Variants in CDK11A observed in about 807,000 individuals in gnomAD.
The protein encoded by CDK11A is cyclin dependent kinase 11A, also known as cyclin-dependent kinase 11A.
Under a neutral mutation model 83.6 loss-of-function variants are expected in CDK11A, and 55 were observed. The observed-to-expected ratio is 0.66, with a 90% CI of 0.53 to 0.82. CDK11A has a LOEUF of 0.82. Among genes scored for constraint, CDK11A ranks in the 40% least tolerant of loss-of-function variants. The pLI is 0.00. For synonymous variants in CDK11A, 247 were observed against 302.7 expected (o/e 0.82, Z 1.91); for missense variants, 564 against 810.1 (o/e 0.70, Z 3.69).
rs141189749 is a variant in CDK11A at position 1,715,110 on chromosome 1, C to T, written c.488+1236G>A. Among the ~76,000 whole-genome samples, 1,135 of 133,660 alleles carry T rather than the reference C, an allele frequency of 8.5e-3. 30 individuals carry two copies. Among genetic ancestry groups the T allele is most frequent in the African/African-American group, 0.028 (1,076 of 37,874 alleles). The allele number at this position is 133,660 out of a possible 152,430, so 87.7% of individuals were successfully genotyped here. On this transcript the variant is annotated intron_variant, in intron 5 of 19. Coordinates refer to ENST00000404249, the MANE Select transcript of CDK11A (RefSeq NM_024011.4). ...GCAGTAAAGGGAGCAGCTCTCAGGC[C>T]AGAAGGTCAGATTCTTACTGCTTTT...
intron 5 of CDK11A, 125 bp downstream of exon 5, chr1:1,716,221 C>G: frequency 9.3e-7 from 1 of 1,079,872 alleles, no homozygotes; most frequent in Non-Finnish European, 1.4e-6. Flanking sequence ...GTTCACTGTG[C>G]TGTTTCCATG....
At position 1,708,202 on chromosome 1, in the gene CDK11A, T is replaced by C; in HGVS notation, c.1047A>G (p.Glu349=). 1 of 1,559,508 alleles carries C rather than the reference T, an allele frequency of 6.4e-7. No individual in the cohort carries two copies. Among genetic ancestry groups the C allele is most frequent in the Non-Finnish European group, 8.8e-7 (1 of 1,140,894 alleles). ...EEEMSEDEER[E]NENHLLVVPE... ...TACCAACCAAGAGGTGGTTTTCATTTTCTCGTTCTTCATCTTCACTCATTT... is the reference window on the plus strand; with the variant it reads ...TACCAACCAAGAGGTGGTTTTCATTCTCTCGTTCTTCATCTTCACTCATTT... The change falls in exon 10 of 20, where the codon GAA becomes GAG. Residue 349 remains glutamate (E), a synonymous_variant. Coordinates refer to ENST00000404249, the MANE Select transcript of CDK11A (RefSeq NM_024011.4).
Position 1,703,842 on chromosome 1 carries a change from C to G in CDK11A, c.1893G>C (p.Gln631His), listed in dbSNP as rs777216116. 3.1e-6 allele frequency: 5 copies of G among 1,609,702 alleles called. 1 individual carries two copies. Among genetic ancestry groups the G allele is most frequent in the Non-Finnish European group, 4.2e-6 (5 of 1,176,998 alleles). Residue 631 changes from glutamine (Q) to histidine (H), a missense_variant, in exon 17 of 20, where the codon CAG becomes CAC. This residue lies in a region of CDK11A where 361 missense variants were observed against 402.7 expected (regional missense o/e 0.90). Transcript: ENST00000404249. Reference sequence around the variant, plus strand: ...GACCCACCTTGAACACTTTGTTGATCTGATCGATTTCCGAATTCCCGGGGA... The same window carrying G: ...GACCCACCTTGAACACTTTGTTGATGTGATCGATTTCCGAATTCCCGGGGA... ...PLFPGNSEIDQINKVFKELGT... is the reference protein window; with the variant it reads ...PLFPGNSEIDHINKVFKELGT...
In CDK11A at chr1:1,703,930, G is replaced by C. The variant is rs200649303; in HGVS notation, c.1805C>G (p.Thr602Arg). 1.0e-4 allele frequency: 169 copies of C among 1,609,620 alleles called. 1 individual carries two copies. The African/African-American group carries it at 2.0e-3, about 19-fold the overall frequency. ...ELLLGAKEYS[T>R]AVDMWSVGCI... ...GCCCACTGACCACATGTCCACGGCC[G>C]TGGAGTATTCCTAAGACGCCAGGAG... Residue 602 changes from threonine to arginine, a missense_variant, in exon 17 of 20, where the codon ACG becomes AGG. Physicochemically the swap from Thr to Arg is moderately conservative, Grantham distance 71 (BLOSUM62 -1). Transcript: ENST00000404249.
At position 1,717,637 on chromosome 1, in the gene CDK11A, C is replaced by T. The variant is rs61777462; in HGVS notation, c.356-1159G>A. On this transcript the variant is annotated intron_variant, in intron 4 of 19. Coordinates refer to ENST00000404249, the MANE Select transcript of CDK11A (RefSeq NM_024011.4). ...GCTAGAGTTTGCTCTCTCTGGTTTT[C>T]GGTCTGTGACACACGCATGCTTTCA... is the stretch of plus-strand genomic sequence containing the variant. Among the ~76,000 whole-genome samples, 26 of 25,848 alleles carry T rather than the reference C, an allele frequency of 1.0e-3. 1 individual carries two copies. The highest frequency in any genetic ancestry group is 0.02 in the Middle Eastern group (1 of 50). 17.0% of individuals were successfully genotyped at this position (25,848 alleles called of 152,430 possible). A position where few individuals can be genotyped will look rare whatever the true frequency, so the allele number is the denominator to read the frequency against.
chr1:1,704,000 A>G lies in CDK11A; in HGVS notation c.1794+39T>C, dbSNP rs200173016. 5.4e-3 allele frequency: 8,706 copies of G among 1,604,072 alleles called. 281 individuals carry two copies. Among genetic ancestry groups the G allele is most frequent in the Admixed American group, 8.5e-3 (506 of 59,328 alleles). ...TGCCCGCGAAGCTGTGGGAGGCTGC[A>G]TGGGGGACAGGGGAGGCACTCAGAC... is the stretch of plus-strand genomic sequence containing the variant. On this transcript the variant is annotated intron_variant, in intron 16 of 19. Transcript: ENST00000404249.
intron 17 of CDK11A, 99 bp downstream of exon 17, chr1:1,703,725 C>A: frequency 6.5e-7 from 1 of 1,547,716 alleles, no homozygotes; most frequent in Non-Finnish European, 8.7e-7. Context: ...CTCTCAGTGG[C>A]CCTGGTCCCC....
At chr1:1,719,711 G>A (rs1420412019) in intron 3 of CDK11A, among the ~76,000 whole-genome samples, 3 of 146,890 alleles carry the variant, frequency 2.0e-5, no homozygotes, top group Non-Finnish European at 4.5e-5. Context: ...CACCTTTCCG[G>A]GTTCACACCA....
chr1:1,715,350 T>C (rs760927), intron 5 of CDK11A, among the ~76,000 whole-genome samples: 91,780 of 117,262 alleles, frequency 0.78, 37,999 homozygotes, highest in Non-Finnish European at 0.92. Flanking sequence ...ACAATTTTTG[T>C]TCATTCACTC....
At chr1:1,715,127 A>C (rs1644589004) in intron 5 of CDK11A, among the ~76,000 whole-genome samples, 1 of 121,294 alleles carries the variant, frequency 8.2e-6, no homozygotes, top group African/African-American at 2.8e-5. Flanking sequence ...TCAGATTCTT[A>C]CTGCTTTTAC....
intron 5 of CDK11A, among the ~76,000 whole-genome samples, chr1:1,715,271 A>G (rs1342197254): frequency 7.7e-6 from 1 of 129,118 alleles, no homozygotes. Context: ...CCTCCCACGT[A>G]GCATATGCTA....
intron 11 of CDK11A, among the ~76,000 whole-genome samples, chr1:1,706,660 T>C (rs1167003545): frequency 4.0e-5 from 6 of 151,396 alleles, no homozygotes; most frequent in South Asian, 2.1e-4. Flanking sequence ...TGATGCCCCA[T>C]GCCAGGGCAC....
At chr1:1,716,503 AAAG>A in intron 4 of CDK11A, 25 bp from the exon 5 acceptor site, 2 of 1,598,328 alleles carry the variant, frequency 1.3e-6, no homozygotes, top group Admixed American at 1.7e-5. Context: ...AGTGTCATGC[AAAG>A]AAACCTCACT....
In CDK11A at chr1:1,703,002, G is replaced by A; in HGVS notation, c.2251-3C>T. On this transcript the variant is annotated splice_polypyrimidine_tract_variant and splice_region_variant and intron_variant, in intron 19 of 19. Coordinates refer to ENST00000404249, the MANE Select transcript of CDK11A (RefSeq NM_024011.4). ...GTCTCCTTCAGGTCGTCGTCACCCT[G>A]GGACGAGTCGGCTACCGTGAGAACC... The A allele has an allele frequency of 4.5e-6, 2 of 440,952 alleles. No individual in the cohort carries two copies. Among genetic ancestry groups the A allele is most frequent in the East Asian group, 3.3e-5 (1 of 30,704 alleles). 27.3% of individuals were successfully genotyped at this position (440,952 alleles called of 1,614,324 possible).
chr1:1,707,990 C>T (rs1473193454), intron 10 of CDK11A, among the ~76,000 whole-genome samples, 190 bp downstream of exon 10: 6 of 141,776 alleles, frequency 4.2e-5, no homozygotes, highest in East Asian at 2.1e-4. Context: ...GCACTCAGGA[C>T]GCCCTTGGTC....
intron 5 of CDK11A, among the ~76,000 whole-genome samples, chr1:1,715,870 GC>G (rs1644617555): frequency 1.3e-5 from 2 of 150,934 alleles, no homozygotes; most frequent in South Asian, 4.2e-4. Flanking sequence ...CAGACTAATG[GC>G]CAGGAGTCCT....
At chr1:1,720,552 C>G (rs1356114693) in intron 3 of CDK11A, among the ~76,000 whole-genome samples, 1 of 150,384 alleles carries the variant, frequency 6.6e-6, no homozygotes, top group African/African-American at 2.5e-5. Context: ...GCGTGCGCTA[C>G]CACACCCAGC....
At position 1,704,065 on chromosome 1, in the gene CDK11A, C is replaced by G. The variant is rs558730635; in HGVS notation, c.1768G>C (p.Ala590Pro). 6.3e-7 allele frequency: 1 copy of G among 1,595,268 alleles called. No individual in the cohort carries two copies. The highest frequency in any genetic ancestry group is 1.7e-5 in the Admixed American group (1 of 59,008). The change falls in exon 16 of 20, where the codon GCC (alanine) becomes CCC (proline). Residue 590 changes from alanine (A) to proline (P), a missense_variant. Physicochemically the swap from Ala to Pro is conservative, Grantham distance 27. Around this residue, in one of 5 missense-constraint regions of CDK11A, gnomAD observed 361 missense variants for 402.7 expected, o/e 0.90. Coordinates refer to ENST00000404249, the MANE Select transcript of CDK11A (RefSeq NM_024011.4). ...TTGGCACCAAGCAGCAGCTCTGGGG[C>G]GCGGTACCACTGGGTCACCACGACC... The part of the protein sequence containing the change: ...TPVVVTQWYR[A>P]PELLLGAKEY...
chr1:1,718,713 T>C (rs1193994323), intron 4 of CDK11A, among the ~76,000 whole-genome samples: 4 of 148,566 alleles, frequency 2.7e-5, no homozygotes, highest in Non-Finnish European at 5.9e-5. Flanking sequence ...AGCGGCTCAC[T>C]GCAAGCTCCG....
Sources: gnomAD v4.1 joint callset for allele counts (sites outside exome capture counted in the v4.1 genomes callset) on GRCh38, gnomAD v4.1.1 for gene constraint, gnomAD v4.1.1 regional missense constraint, MANE v1.5 for transcripts, NCBI Gene and HGNC (gene_info 2026-07-23, HGNC 2026-07-21) for gene names.